SH3BGR: variants seen among roughly 807,000 people sequenced by gnomAD.
SH3BGR encodes SH3 domain binding glutamate rich protein.
Under a neutral mutation model 24.5 loss-of-function variants are expected in SH3BGR, and 29 were observed. That is an observed-to-expected ratio of 1.18 (90% CI 0.88 to 1.61). The LOEUF is 1.61. Ranked by LOEUF, SH3BGR falls within the 40% of genes most tolerant of loss-of-function variation. The pLI, the probability that SH3BGR is intolerant of heterozygous loss-of-function variation, is 0.00. For missense variants in SH3BGR, 162 were observed against 205.8 expected (o/e 0.79, Z 1.30); for synonymous variants, 55 against 65.7 (o/e 0.84, Z 0.79).
intron 1 of SH3BGR, among the ~76,000 whole-genome samples, chr21:39,455,997 A>G (rs1387738993): frequency 6.6e-6 from 1 of 152,234 alleles, no homozygotes; most frequent in Non-Finnish European, 1.5e-5. Context: ...CTTAATCGCA[A>G]GCATGGTCTT....
intron 2 of SH3BGR, among the ~76,000 whole-genome samples, chr21:39,471,127 C>T (rs1003211054): frequency 2.0e-5 from 3 of 151,794 alleles, no homozygotes; most frequent in African/African-American, 7.3e-5. Flanking sequence ...TTTTCTTCTT[C>T]CTCTTTCTCT....
intron 2 of SH3BGR, among the ~76,000 whole-genome samples, chr21:39,464,510 A>T (rs1010376375): frequency 1.3e-5 from 2 of 152,174 alleles, no homozygotes; most frequent in African/African-American, 4.8e-5. Flanking sequence ...GGTGTAAGCC[A>T]CCGCGCCCGG....
intron 3 of SH3BGR, among the ~76,000 whole-genome samples, chr21:39,493,523 T>C (rs535845530): frequency 2.0e-5 from 3 of 152,352 alleles, no homozygotes; most frequent in African/African-American, 7.2e-5. Flanking sequence ...TATGGCCTTA[T>C]ACTATAGTTT....
At chr21:39,479,987 T>C (rs1569161521) in intron 3 of SH3BGR, among the ~76,000 whole-genome samples, 11 of 152,212 alleles carry the variant, frequency 7.2e-5, no homozygotes, top group Admixed American at 7.2e-4. Context: ...AAAGCAAATA[T>C]CTGTTTTCAG....
chr21:39,475,142 A>G lies in SH3BGR; in HGVS notation c.239A>G (p.Asp80Gly). The G allele has an allele frequency of 1.2e-6, 2 of 1,604,960 alleles. No homozygotes were observed. The highest frequency in any genetic ancestry group is 1.1e-5 in the South Asian group (1 of 90,772). Residue 80 changes from aspartate (D) to glycine (G), a missense_variant, in exon 3 of 7, where the codon GAC becomes GGC. Asp to Gly is a moderately conservative substitution (Grantham distance 94). Coordinates refer to ENST00000333634, the MANE Select transcript of SH3BGR (RefSeq NM_007341.3). ...CTTTTTCTTTGCTTCAAGGATTTTGACTCTTTCTTCTCTGCAAAAGAAGAG... is the reference window on the plus strand; with the variant it reads ...CTTTTTCTTTGCTTCAAGGATTTTGGCTCTTTCTTCTCTGCAAAAGAAGAG... ...FNEEQYCGDFDSFFSAKEENI... is the reference protein window; with the variant it reads ...FNEEQYCGDFGSFFSAKEENI...
chr21:39,461,760 G>A lies in SH3BGR; in HGVS notation c.46-615G>A, dbSNP rs137925650. 1.4e-3 allele frequency among the ~76,000 whole-genome samples: 206 copies of A among 152,246 alleles called. 2 individuals carry two copies. The highest frequency in any genetic ancestry group is 4.4e-3 in the African/African-American group (184 of 41,552). On this transcript the variant is annotated intron_variant, in intron 1 of 6. Transcript: ENST00000333634. ...GTTTGTTTATGTACTAAGCTAGGTT[G>A]CAGTTCATTACCTAGGACTCCTATG...
rs748314519 is a variant in SH3BGR at position 39,462,407 on chromosome 21, T to G, written c.78T>G (p.Phe26Leu). Residue 26 changes from phenylalanine to leucine, a missense_variant, in exon 2 of 7, where the codon TTT (phenylalanine) becomes TTG (leucine). Physicochemically the swap from Phe to Leu is conservative, Grantham distance 22 (BLOSUM62 0). Coordinates refer to ENST00000333634, the MANE Select transcript of SH3BGR (RefSeq NM_007341.3). ...IRKKQQEVVG[F>L]LEANKIDFKE... ...AGAAACAGCAAGAAGTAGTGGGTTT[T>G]TTGGAAGCGAATAAAATCGACTTTA... 1.9e-6 allele frequency: 3 copies of G among 1,610,798 alleles called. No individual in the cohort carries two copies.
intron 4 of SH3BGR, among the ~76,000 whole-genome samples, chr21:39,505,523 G>A (rs918331951): frequency 2.0e-5 from 3 of 152,166 alleles, no homozygotes; most frequent in Non-Finnish European, 2.9e-5. Flanking sequence ...AGCACTTCGG[G>A]AGGCTGAAGC....
At chr21:39,473,951 T>C (rs1292087972) in intron 2 of SH3BGR, among the ~76,000 whole-genome samples, 6 of 151,728 alleles carry the variant, frequency 4.0e-5, no homozygotes, top group African/African-American at 1.5e-4. Context: ...AGCTGTGACC[T>C]GTATTTGGTG....
At chr21:39,503,452 A>G (rs2095773740) in intron 4 of SH3BGR, among the ~76,000 whole-genome samples, 1 of 152,216 alleles carries the variant, frequency 6.6e-6, no homozygotes. Context: ...TGTTAAAAAC[A>G]ATTGTCATGT....
intron 4 of SH3BGR, among the ~76,000 whole-genome samples, chr21:39,507,118 C>T (rs745985532): frequency 1.3e-5 from 2 of 152,134 alleles, no homozygotes; most frequent in African/African-American, 2.4e-5. Flanking sequence ...TGGGGTGTCA[C>T]CAGTGGCATT....
chr21:39,508,650 C>T (rs931589175), intron 4 of SH3BGR, among the ~76,000 whole-genome samples: 40 of 152,292 alleles, frequency 2.6e-4, no homozygotes, highest in African/African-American at 9.4e-4. Context: ...ACATTGCTTG[C>T]ATATGGTCTG....
At chr21:39,450,981 T>C (rs1252205734), upstream of SH3BGR, among the ~76,000 whole-genome samples, 2 of 151,926 alleles carry the variant, frequency 1.3e-5, no homozygotes, top group Admixed American at 1.3e-4. Context: ...CCTGGCTGTT[T>C]TTTTTTGTGT....
At chr21:39,477,837 T>C (rs1225538638) in intron 3 of SH3BGR, among the ~76,000 whole-genome samples, 1 of 152,268 alleles carries the variant, frequency 6.6e-6, no homozygotes, top group Non-Finnish European at 1.5e-5. Context: ...TAACTGAATG[T>C]ATATTTTTTC....
intron 4 of SH3BGR, among the ~76,000 whole-genome samples, chr21:39,503,735 C>T (rs901407463): frequency 2.0e-5 from 3 of 152,308 alleles, no homozygotes; most frequent in Admixed American, 2.0e-4. Context: ...CCCCTGACCA[C>T]CTCCTCAACT....
chr21:39,476,083 T>G (rs1316996694), intron 3 of SH3BGR, among the ~76,000 whole-genome samples: 1 of 151,678 alleles, frequency 6.6e-6, no homozygotes, highest in Non-Finnish European at 1.5e-5. Context: ...TGAAACAGAG[T>G]AATGAGAGAG....
intron 2 of SH3BGR, among the ~76,000 whole-genome samples, chr21:39,471,599 G>GTTGT (rs58343213): frequency 2.6e-5 from 4 of 151,048 alleles, no homozygotes; most frequent in East Asian, 1.9e-4. Flanking sequence ...TAGATTATTT[G>GTTGT]TTGTTTGTTT....
Position 39,509,000 on chromosome 21 carries a change from A to T in SH3BGR, c.408A>T (p.Glu136Asp), listed in dbSNP as rs777694364. 1.9e-6 allele frequency: 3 copies of T among 1,607,844 alleles called. No individual in the cohort carries two copies. Among genetic ancestry groups the T allele is most frequent in the Non-Finnish European group, 2.6e-6 (3 of 1,176,018 alleles). Residue 136 changes from glutamate (E) to aspartate (D), a missense_variant and splice_region_variant, in exon 5 of 7, where the codon GAA becomes GAT. Coordinates refer to ENST00000333634, the MANE Select transcript of SH3BGR (RefSeq NM_007341.3). ...TAATTTTGATTTATGGATGTAAGGA[A>T]GAAGAAGGAGAGACAGCCACAGAAG... is the stretch of plus-strand genomic sequence containing the variant. Reference protein sequence around the residue: ...GNLPEAQEKNEEEGETATEET... With the variant: ...GNLPEAQEKNDEEGETATEET...
At chr21:39,472,324 G>A (rs1485187351) in intron 2 of SH3BGR, among the ~76,000 whole-genome samples, 1 of 152,122 alleles carries the variant, frequency 6.6e-6, no homozygotes, top group South Asian at 2.1e-4. Flanking sequence ...GAAAGGGAGA[G>A]CCCAAACTCA....
Sources: allele counts gnomAD v4.1 joint callset (sites outside exome capture counted in the v4.1 genomes callset), GRCh38; gene constraint gnomAD v4.1.1; transcripts MANE v1.5; gene names NCBI Gene and HGNC (gene_info 2026-07-23, HGNC 2026-07-21).